The following RBFOX1 variants were observed in gnomAD, a reference collection of about 807,000 sequenced individuals.
RBFOX1 encodes the protein RNA binding fox-1 homolog 1.
In RBFOX1, 8 loss-of-function variants were observed where a neutral mutation model predicts 57.7. The ratio of observed to expected loss-of-function variants is 0.14; its 90% CI spans 0.08 to 0.25. RBFOX1 has a LOEUF of 0.25. Among genes scored for constraint, RBFOX1 ranks in the 10% least tolerant of loss-of-function variants. The pLI, the probability that RBFOX1 is intolerant of heterozygous loss-of-function variation, is 1.00. For synonymous variants in RBFOX1, 326 were observed against 222.4 expected (o/e 1.47, Z -4.15); for missense variants, 611 against 548.5 (o/e 1.11, Z -1.14).
intron 3 of RBFOX1, among the ~76,000 whole-genome samples, chr16:6,699,112 A>T (rs1317464104): frequency 6.6e-6 from 1 of 152,166 alleles, no homozygotes; most frequent in Non-Finnish European, 1.5e-5. Flanking sequence ...CATCATCAGT[A>T]TAAGAAACAG....
intron 2 of RBFOX1, among the ~76,000 whole-genome samples, chr16:6,546,991 C>G (rs1279316050): frequency 6.6e-6 from 1 of 152,222 alleles, no homozygotes; most frequent in Non-Finnish European, 1.5e-5. Context: ...TTTTTCTTGA[C>G]TCAAAGTGAG....
At chr16:7,221,758 A>G (rs12051165) in intron 4 of RBFOX1, among the ~76,000 whole-genome samples, 59,944 of 152,130 alleles carry the variant, frequency 0.39, 12,305 homozygotes, top group East Asian at 0.66. Context: ...AATGGCCATC[A>G]AAGTTTGTTA....
chr16:5,566,894 A>C (rs1475301133), intron 2 of RBFOX1, among the ~76,000 whole-genome samples: 2 of 152,164 alleles, frequency 1.3e-5, no homozygotes, highest in Admixed American at 1.3e-4. Context: ...ACTGGTCTGG[A>C]CACCACATAC....
intron 3 of RBFOX1, among the ~76,000 whole-genome samples, chr16:6,921,643 ATAT>A (rs1212800611): frequency 0.013 from 459 of 34,516 alleles, 1 homozygote; most frequent in African/African-American, 0.031. Flanking sequence ...ATATATATAT[ATAT>A]TTTTTTTTTT....
chr16:6,926,763 T>C (rs1305680048), intron 3 of RBFOX1, among the ~76,000 whole-genome samples: 1 of 152,212 alleles, frequency 6.6e-6, no homozygotes, highest in Non-Finnish European at 1.5e-5. Context: ...GACTGAACTT[T>C]TAAATGCTTC....
At chr16:6,711,301 T>G (rs2063671555) in intron 3 of RBFOX1, among the ~76,000 whole-genome samples, 1 of 152,158 alleles carries the variant, frequency 6.6e-6, no homozygotes, top group Non-Finnish European at 1.5e-5. Context: ...TCTGTCTCAC[T>G]GAGAATAAAA....
intron 15 of RBFOX1, 95 bp downstream of exon 15, chr16:7,709,226 C>A: frequency 8.2e-7 from 1 of 1,220,682 alleles, no homozygotes; most frequent in Non-Finnish European, 1.2e-6. Flanking sequence ...TCTCACTTCC[C>A]GTTAATTGAA....
Position 7,710,824 on chromosome 16 carries a change from G to C in RBFOX1, c.*79G>C. On this transcript the variant is annotated 3_prime_UTR_variant, in exon 16 of 16. Transcript: ENST00000550418. ...CCTGAGTATTGCAATACATGCAGTA[G>C]TACATCATTTTAGCAACTCTAAAAA... 2.7e-6 allele frequency: 3 copies of C among 1,126,280 alleles called. No homozygotes were observed. The highest frequency in any genetic ancestry group is 1.2e-6 in the Non-Finnish European group (1 of 855,006). The allele number at this position is 1,126,280 out of a possible 1,614,324, so 69.8% of individuals were successfully genotyped here. A position where few individuals can be genotyped will look rare whatever the true frequency, so the allele number is the denominator to read the frequency against.
chr16:6,447,147 A>C (rs907441550), intron 2 of RBFOX1, among the ~76,000 whole-genome samples: 5 of 152,142 alleles, frequency 3.3e-5, no homozygotes, highest in African/African-American at 9.7e-5. Context: ...GGTCTATTGG[A>C]CTTTTTTTCC....
At chr16:6,537,329 A>T (rs1407544024) in intron 2 of RBFOX1, among the ~76,000 whole-genome samples, 1 of 152,214 alleles carries the variant, frequency 6.6e-6, no homozygotes, top group African/African-American at 2.4e-5. Flanking sequence ...TGTCTCTGCA[A>T]TAGAATTGCA....
At chr16:7,222,093 C>G (rs765367100) in intron 4 of RBFOX1, among the ~76,000 whole-genome samples, 10 of 152,232 alleles carry the variant, frequency 6.6e-5, no homozygotes, top group Non-Finnish European at 1.0e-4. Context: ...CTGCTTCCAG[C>G]TGATATTATA....
At chr16:7,610,196 T>C (rs2057204676) in intron 10 of RBFOX1, among the ~76,000 whole-genome samples, 1 of 144,354 alleles carries the variant, frequency 6.9e-6, no homozygotes. Context: ...CTCGACTCTC[T>C]GCAACCTCCG....
chr16:6,834,231 G>A (rs534826093), intron 3 of RBFOX1, among the ~76,000 whole-genome samples: 16 of 151,768 alleles, frequency 1.1e-4, no homozygotes, highest in African/African-American at 2.4e-4. Context: ...CCGCTAGCAC[G>A]CCCCATTAGT....
chr16:5,364,771 G>C (rs2065660945), intron 1 of RBFOX1, among the ~76,000 whole-genome samples: 1 of 129,298 alleles, frequency 7.7e-6, no homozygotes. Flanking sequence ...ACACATCCCT[G>C]TGAGGCAGGT....
intron 3 of RBFOX1, among the ~76,000 whole-genome samples, chr16:5,865,147 G>T (rs1478500116): frequency 6.6e-6 from 1 of 152,206 alleles, no homozygotes; most frequent in African/African-American, 2.4e-5. Context: ...ATGGAGCTTA[G>T]TGAAGCAGAG....
intron 1 of RBFOX1, among the ~76,000 whole-genome samples, chr16:5,241,487 C>T (rs912845785): frequency 6.6e-6 from 1 of 152,192 alleles, no homozygotes; most frequent in African/African-American, 2.4e-5. Context: ...GTGGAGTGAC[C>T]AAGTGTAGTG....
chr16:6,080,030 A>G (rs2095976121), intron 1 of RBFOX1, among the ~76,000 whole-genome samples: 2 of 152,158 alleles, frequency 1.3e-5, no homozygotes, highest in African/African-American at 4.8e-5. Context: ...TCTGGGAGTG[A>G]ATTTAAGTCT....
chr16:5,929,033 T>TTAA (rs778037003), intron 4 of RBFOX1, among the ~76,000 whole-genome samples: 1 of 127,064 alleles, frequency 7.9e-6, no homozygotes, highest in Non-Finnish European at 1.7e-5. Flanking sequence ...CTTTCCAATT[T>TTAA]AAAAAAAAAA....
intron 2 of RBFOX1, among the ~76,000 whole-genome samples, chr16:6,493,827 C>G (rs950360916): frequency 2.0e-5 from 3 of 152,168 alleles, no homozygotes; most frequent in Admixed American, 2.0e-4. Context: ...TTAAACACGC[C>G]AACTGAATAT....
Sources: gnomAD v4.1 joint callset for allele counts (sites outside exome capture counted in the v4.1 genomes callset) on GRCh38, gnomAD v4.1.1 for gene constraint, MANE v1.5 for transcripts, NCBI Gene and HGNC (gene_info 2026-07-23, HGNC 2026-07-21) for gene names.